TMEM229B: variants seen among roughly 807,000 people sequenced by gnomAD.
The protein encoded by TMEM229B is chromosome 14 open reading frame 83.
TMEM229B carries 6 observed loss-of-function variants against 13.7 expected under a neutral mutation model. The observed-to-expected ratio is 0.44, with a 90% CI of 0.24 to 0.86. TMEM229B has a LOEUF of 0.86. Among genes scored for constraint, TMEM229B ranks in the 40% least tolerant of loss-of-function variants. TMEM229B has a pLI of 0.23. For missense variants in TMEM229B, 170 were observed against 236.0 expected, an observed-to-expected ratio of 0.72 and a Z score of 1.83; for synonymous variants, 107 against 102.1, an observed-to-expected ratio of 1.05 and a Z score of -0.29.
At chr14:67,498,427 A>G (rs1231214246) in intron 1 of TMEM229B, among the ~76,000 whole-genome samples, 2 of 152,204 alleles carry the variant, frequency 1.3e-5, no homozygotes, top group Non-Finnish European at 2.9e-5. Flanking sequence ...TGACCCCTAC[A>G]GTATTATAAC....
At chr14:67,522,127 C>G (rs954580976) in intron 1 of TMEM229B, among the ~76,000 whole-genome samples, 1 of 152,118 alleles carries the variant, frequency 6.6e-6, no homozygotes, top group Admixed American at 6.5e-5. Flanking sequence ...GAGCTGAGAT[C>G]GTGCCACTGC....
intron 1 of TMEM229B, among the ~76,000 whole-genome samples, chr14:67,521,396 G>A (rs1250950546): frequency 6.6e-6 from 1 of 152,124 alleles, no homozygotes; most frequent in Non-Finnish European, 1.5e-5. Context: ...AGGGAGAAGA[G>A]GCATTAGGCC....
At chr14:67,517,697 C>T (rs1206709844), upstream of TMEM229B, among the ~76,000 whole-genome samples, 1 of 152,012 alleles carries the variant, frequency 6.6e-6, no homozygotes, top group Non-Finnish European at 1.5e-5. Flanking sequence ...TCATTTCTTC[C>T]CAAAAAAATT....
intron 1 of TMEM229B, among the ~76,000 whole-genome samples, chr14:67,531,910 C>CAA (rs5809352): frequency 0.012 from 934 of 79,542 alleles, 20 homozygotes; most frequent in East Asian, 0.059. Flanking sequence ...AACCTATGTC[C>CAA]AAAAAAAAAA....
At chr14:67,519,961 G>T (rs943572103), upstream of TMEM229B, among the ~76,000 whole-genome samples, 2 of 152,096 alleles carry the variant, frequency 1.3e-5, no homozygotes, top group African/African-American at 4.8e-5. Flanking sequence ...AGCCTCAAGT[G>T]GTCCTCCCAC....
chr14:67,519,714 G>GTT (rs11306782), upstream of TMEM229B, among the ~76,000 whole-genome samples: 1,351 of 145,046 alleles, frequency 9.3e-3, 23 homozygotes, highest in African/African-American at 0.031. Context: ...CTGTAAGTTT[G>GTT]TTTTTTTTTT....
chr14:67,508,941 G>T (rs2140232827), intron 1 of TMEM229B, among the ~76,000 whole-genome samples: 2 of 151,906 alleles, frequency 1.3e-5, no homozygotes, highest in Middle Eastern at 6.8e-3. Context: ...TCATAATCAG[G>T]TCTCCACAGC....
Position 67,475,237 on chromosome 14 carries a change from C to T in TMEM229B, c.-18-1296G>A, listed in dbSNP as rs1007674429. ...GCCAGAATTTCCTTCCTTTTAAAGGCGGAATCATATTCCATTGTATATATC... is the reference window on the plus strand; with the variant it reads ...GCCAGAATTTCCTTCCTTTTAAAGGTGGAATCATATTCCATTGTATATATC... On this transcript the variant is annotated intron_variant, in intron 2 of 2. Transcript: ENST00000554480. 3.3e-5 allele frequency among the ~76,000 whole-genome samples: 5 copies of T among 152,290 alleles called. No homozygotes were observed. In the South Asian group the frequency reaches 6.2e-4, roughly 19 times the overall value.
At chr14:67,533,471 G>A (rs1426133207) in intron 1 of TMEM229B, 2 of 151,982 alleles carry the variant, frequency 1.3e-5, no homozygotes, top group African/African-American at 4.8e-5. Flanking sequence ...GGCTGCGCGC[G>A]GGGGACGGCC....
At chr14:67,502,600 G>A (rs1223429244) in intron 1 of TMEM229B, among the ~76,000 whole-genome samples, 1 of 151,338 alleles carries the variant, frequency 6.6e-6, no homozygotes, top group Non-Finnish European at 1.5e-5. Flanking sequence ...TTACAGCCAT[G>A]TGCCACCACG....
chr14:67,487,303 C>G (rs184860566), intron 1 of TMEM229B, 131 bp from the exon 2 acceptor site: 1 of 152,424 alleles, frequency 6.6e-6, no homozygotes, highest in African/African-American at 2.4e-5. Context: ...GGCCCCTTCC[C>G]GGAACCTACC....
rs2030774014 is a variant in TMEM229B, at chr14:67,472,111, G to A, written c.*1309C>T. 1 of 152,328 alleles carries A rather than the reference G, an allele frequency of 6.6e-6. No homozygotes were observed. The highest frequency in any genetic ancestry group is 2.4e-5 in the African/African-American group (1 of 41,454). 9.4% of individuals were successfully genotyped at this position (152,328 alleles called of 1,614,324 possible). On this transcript the variant is annotated 3_prime_UTR_variant, in exon 3 of 3. Coordinates refer to ENST00000554480, the MANE Select transcript of TMEM229B (RefSeq NM_001348543.2). ...TACTGTTTAAGGAGTGAGCTCAAAG[G>A]GTCAGCCTTGCTGGGAGGAGTTTGG... is the stretch of plus-strand genomic sequence containing the variant.
At chr14:67,510,945 C>T (rs2033004178) in intron 1 of TMEM229B, among the ~76,000 whole-genome samples, 1 of 152,198 alleles carries the variant, frequency 6.6e-6, no homozygotes. Context: ...CCAGGAAGCA[C>T]ATTTTATCTT....
chr14:67,486,967 T>C (rs866231159), intron 2 of TMEM229B, 33 bp downstream of exon 2: 11 of 152,230 alleles, frequency 7.2e-5, no homozygotes, highest in African/African-American at 2.7e-4. Flanking sequence ...ATCGCTGGGC[T>C]GGTGATCCCC....
chr14:67,487,796 T>TA (rs200949472), intron 1 of TMEM229B, among the ~76,000 whole-genome samples: 33 of 148,788 alleles, frequency 2.2e-4, no homozygotes, highest in South Asian at 6.4e-4. Context: ...CCATGTACTT[T>TA]AAAAAAAAAA....
chr14:67,488,050 C>T (rs1182787818), intron 1 of TMEM229B, among the ~76,000 whole-genome samples: 2 of 152,256 alleles, frequency 1.3e-5, no homozygotes, highest in African/African-American at 4.8e-5. Flanking sequence ...ACAACACCAT[C>T]TGCATATGCC....
At position 67,471,913 on chromosome 14, in the gene TMEM229B, A is replaced by G. The variant is rs1215205670; in HGVS notation, c.*1507T>C. 1 of 152,260 alleles carries G rather than the reference A, an allele frequency of 6.6e-6. No individual in the cohort carries two copies. Among genetic ancestry groups the G allele is most frequent in the Non-Finnish European group, 1.5e-5 (1 of 68,056 alleles). The allele number at this position is 152,260 out of a possible 1,614,324, so 9.4% of individuals were successfully genotyped here. ...TAGTGTGGTCAAGAAGAGACCATGT[A>G]CCATGGGGTGGGCCACTTTCTAACG... On this transcript the variant is annotated 3_prime_UTR_variant, in exon 3 of 3. Coordinates refer to ENST00000554480, the MANE Select transcript of TMEM229B (RefSeq NM_001348543.2).
Position 67,473,454 on chromosome 14 carries a change from A to G in TMEM229B, c.470T>C (p.Leu157Pro), listed in dbSNP as rs548024823. The change falls in exon 3 of 3, where the codon CTA becomes CCA. Residue 157 changes from leucine to proline, a missense_variant. This residue lies in a region of TMEM229B where 70 missense variants were observed against 60.9 expected (regional missense o/e 1.15). Transcript: ENST00000554480. This position sits in a 1 kb window ranked among gnomAD's most constrained non-coding sequence, Gnocchi z 6.5. ...DAEPGEPSGA[L>P]ALANGHVKTD ...CTTGACATGGCCGTTGGCCAGGGCT[A>G]GGGCGCCGCTGGGCTCCCCGGGCTC... 18 of 1,614,116 alleles carry G rather than the reference A, an allele frequency of 1.1e-5. No individual in the cohort carries two copies. In the East Asian group the frequency reaches 1.8e-4, roughly 16 times the overall value.
rs1425643462 is a variant in TMEM229B at position 67,485,407 on chromosome 14, A to G, written c.-19+1593T>C. Among the ~76,000 whole-genome samples the G allele has an allele frequency of 3.3e-5, 5 of 152,224 alleles. No individual in the cohort carries two copies. In the South Asian group the frequency reaches 1.0e-3, roughly 31 times the overall value. Reference sequence around the variant, plus strand: ...AGTGGAAAACAGATTCTGGCCCTGAATTATAAACTGTCAACTAGGAGAGTC... The same window carrying G: ...AGTGGAAAACAGATTCTGGCCCTGAGTTATAAACTGTCAACTAGGAGAGTC... On this transcript the variant is annotated intron_variant, in intron 2 of 2. Coordinates refer to ENST00000554480, the MANE Select transcript of TMEM229B (RefSeq NM_001348543.2).
Sources: allele counts gnomAD v4.1 joint callset (sites outside exome capture counted in the v4.1 genomes callset), GRCh38; gene constraint gnomAD v4.1.1; regional missense constraint gnomAD v4.1.1; non-coding constraint Gnocchi (gnomAD v3.1); transcripts MANE v1.5; gene names NCBI Gene and HGNC (gene_info 2026-07-23, HGNC 2026-07-21).